ZCCHC2: variants seen among roughly 807,000 people sequenced by gnomAD.
ZCCHC2 encodes zinc finger CCHC domain-containing protein 2.
In ZCCHC2, 39 loss-of-function variants were observed where a neutral mutation model predicts 103.6. That is an observed-to-expected ratio of 0.38 (90% confidence interval 0.29 to 0.49). The LOEUF is 0.49. ZCCHC2 is among the 20% of genes least tolerant of loss of function. ZCCHC2 has a pLI of 0.96. For missense variants in ZCCHC2, 1,483 were observed against 1,491.0 expected, an observed-to-expected ratio of 0.99 and a Z score of 0.09; for synonymous variants, 687 against 608.9, an observed-to-expected ratio of 1.13 and a Z score of -1.89.
At chr18:62,529,251 C>T (rs536633979) in intron 1 of ZCCHC2, among the ~76,000 whole-genome samples, 6 of 151,926 alleles carry the variant, frequency 3.9e-5, no homozygotes, top group African/African-American at 1.2e-4. Flanking sequence ...TTTAACTGAC[C>T]CCTGCTGCTG....
Position 62,574,148 on chromosome 18 carries a change from A to G in ZCCHC2, c.2067A>G (p.Pro689=), listed in dbSNP as rs759828843. Reference sequence around the variant, plus strand: ...TCAACCAGACTGTCACTGTCAAGCCACCTGTTCAAATTGCTTCACTAGGAA... The same window carrying G: ...TCAACCAGACTGTCACTGTCAAGCCGCCTGTTCAAATTGCTTCACTAGGAA... ...GSVNQTVTVK[P]PVQIASLGNE... is the part of the protein sequence containing the mutation. The change falls in exon 13 of 14, where the codon CCA becomes CCG. Residue 689 remains proline (P), a synonymous_variant. Coordinates refer to ENST00000269499, the MANE Select transcript of ZCCHC2 (RefSeq NM_017742.6). 3.7e-6 allele frequency: 6 copies of G among 1,613,922 alleles called. No homozygotes were observed. Among genetic ancestry groups the G allele is most frequent in the Non-Finnish European group, 4.2e-6 (5 of 1,179,902 alleles).
intron 11 of ZCCHC2, among the ~76,000 whole-genome samples, chr18:62,568,138 C>G (rs1005465476): frequency 6.6e-6 from 1 of 151,868 alleles, no homozygotes; most frequent in Non-Finnish European, 1.5e-5. Flanking sequence ...GGTTCTGTTG[C>G]CTATGATTTA....
At chr18:62,525,685 C>T (rs1914352106) in intron 1 of ZCCHC2, among the ~76,000 whole-genome samples, 2 of 151,898 alleles carry the variant, frequency 1.3e-5, no homozygotes. Flanking sequence ...GTAACTAATT[C>T]ATGTTTTGGG....
At chr18:62,584,183 G>A (rs567761541) in intron 14 of ZCCHC2, among the ~76,000 whole-genome samples, 4 of 152,184 alleles carry the variant, frequency 2.6e-5, no homozygotes, top group Non-Finnish European at 4.4e-5. Context: ...GTGTGTGTAT[G>A]CAAATGTTTA....
At chr18:62,560,868 ATCT>A (rs2145519161) in intron 8 of ZCCHC2, among the ~76,000 whole-genome samples, 1 of 149,852 alleles carries the variant, frequency 6.7e-6, no homozygotes, top group Non-Finnish European at 1.5e-5. Flanking sequence ...TTCCCCTATC[ATCT>A]TTGATAGTTT....
Position 62,575,424 on chromosome 18 carries a change from A to G in ZCCHC2, c.3343A>G (p.Asn1115Asp), listed in dbSNP as rs1397347921. ...ATTCTATCCTGTATATCCAGCACCT[A>G]ACGTAGTTGCCAACACCAGTGGTTC... ...GRFYPVYPAPNVVANTSGSGP... is the reference protein window; with the variant it reads ...GRFYPVYPAPDVVANTSGSGP... The change falls in exon 13 of 14, where the codon AAC becomes GAC. Residue 1115 changes from asparagine to aspartate, a missense_variant. This residue lies in a region of ZCCHC2 where 884 missense variants were observed against 907.5 expected (regional missense o/e 0.97). Coordinates refer to ENST00000269499, the MANE Select transcript of ZCCHC2 (RefSeq NM_017742.6). The G allele has an allele frequency of 6.2e-7, 1 of 1,613,878 alleles. No homozygotes were observed. The highest frequency in any genetic ancestry group is 1.3e-5 in the African/African-American group (1 of 74,920).
Position 62,524,151 on chromosome 18 carries a change from G to A in ZCCHC2, c.727G>A (p.Val243Met), listed in dbSNP as rs1315879697. 2.6e-6 allele frequency: 4 copies of A among 1,545,300 alleles called. No homozygotes were observed. Among genetic ancestry groups the A allele is most frequent in the Non-Finnish European group, 3.5e-6 (4 of 1,145,958 alleles). Reference sequence around the variant, plus strand: ...CGGCTCAGGCCCGGAAGGCGGCATTGTGGAGCCCCGGGTCGGCGGCGGGCT... The same window carrying A: ...CGGCTCAGGCCCGGAAGGCGGCATTATGGAGCCCCGGGTCGGCGGCGGGCT... ...KDGSGPEGGIVEPRVGGGLGS... is the reference protein window; with the variant it reads ...KDGSGPEGGIMEPRVGGGLGS... Residue 243 changes from valine to methionine, a missense_variant, in exon 1 of 14, where the codon GTG (valine) becomes ATG (methionine). Coordinates refer to ENST00000269499, the MANE Select transcript of ZCCHC2 (RefSeq NM_017742.6).
At chr18:62,579,058 A>G (rs1916969546), downstream of ZCCHC2, among the ~76,000 whole-genome samples, 1 of 152,168 alleles carries the variant, frequency 6.6e-6, no homozygotes, top group Admixed American at 6.5e-5. Flanking sequence ...ATGAGCCTCC[A>G]TGCCCGGCCT....
intron 8 of ZCCHC2, among the ~76,000 whole-genome samples, chr18:62,561,452 A>G (rs1483937148): frequency 6.6e-6 from 1 of 152,198 alleles, no homozygotes; most frequent in Non-Finnish European, 1.5e-5. Context: ...GTGCTCCTCA[A>G]GTATGAGCCG....
chr18:62,572,311 ACT>A (rs1404876218), intron 12 of ZCCHC2, among the ~76,000 whole-genome samples: 2 of 152,112 alleles, frequency 1.3e-5, no homozygotes, highest in Non-Finnish European at 2.9e-5. Context: ...TAAGCAGGTG[ACT>A]CTGTGGCTCA....
At chr18:62,555,867 A>C (rs78239177) in intron 5 of ZCCHC2, among the ~76,000 whole-genome samples, 5,963 of 152,166 alleles carry the variant, frequency 0.039, 401 homozygotes, top group African/African-American at 0.14. Flanking sequence ...AGAGTAAAGA[A>C]ATTGCAGTTG....
chr18:62,553,867 T>C (rs1915771170), intron 5 of ZCCHC2, among the ~76,000 whole-genome samples: 1 of 152,228 alleles, frequency 6.6e-6, no homozygotes, highest in East Asian at 1.9e-4. Context: ...GAAGAGTTAC[T>C]TGTTAGATAA....
chr18:62,580,069 G>A (rs1917001902), downstream of ZCCHC2, among the ~76,000 whole-genome samples: 1 of 152,134 alleles, frequency 6.6e-6, no homozygotes, highest in Non-Finnish European at 1.5e-5. Context: ...CCCACACACT[G>A]CTCCTAAATA....
intron 11 of ZCCHC2, 50 bp downstream of exon 11, chr18:62,565,146 C>T (rs771806832): frequency 6.0e-6 from 8 of 1,329,994 alleles, no homozygotes; most frequent in Non-Finnish European, 8.6e-6. Context: ...ATATATTCAG[C>T]ATGATACTTA....
At chr18:62,542,305 G>A (rs2145497922) in intron 2 of ZCCHC2, among the ~76,000 whole-genome samples, 193 bp from the exon 3 acceptor site, 1 of 152,198 alleles carries the variant, frequency 6.6e-6, no homozygotes, top group African/African-American at 2.4e-5. Context: ...TTTTTCATGG[G>A]TGGATGGCAC....
At chr18:62,525,594 T>C (rs1413826516) in intron 1 of ZCCHC2, 1 of 152,210 alleles carries the variant, frequency 6.6e-6, no homozygotes, top group African/African-American at 2.4e-5. Context: ...TCAGTACCCG[T>C]GGAATCAATG....
At chr18:62,558,527 T>C (rs17070098) in intron 6 of ZCCHC2, 160 bp from the exon 7 acceptor site, 104,301 of 449,368 alleles carry the variant, frequency 0.23, 12,955 homozygotes, top group East Asian at 0.29. Flanking sequence ...ACTCACAGTC[T>C]AGTGCTTTGG....
intron 1 of ZCCHC2, among the ~76,000 whole-genome samples, chr18:62,536,608 G>A (rs187019520): frequency 1.3e-5 from 2 of 152,242 alleles, no homozygotes; most frequent in African/African-American, 2.4e-5. Context: ...CAGCATCGCC[G>A]AGCAGCCACC....
chr18:62,533,393 T>C (rs1401271669), intron 1 of ZCCHC2, among the ~76,000 whole-genome samples: 1 of 150,640 alleles, frequency 6.6e-6, no homozygotes, highest in African/African-American at 2.4e-5. Flanking sequence ...GGGCGTGTAG[T>C]GGGCGCCTGT....
Sources: allele counts gnomAD v4.1 joint callset (sites outside exome capture counted in the v4.1 genomes callset), GRCh38; gene constraint gnomAD v4.1.1; regional missense constraint gnomAD v4.1.1; transcripts MANE v1.5; gene names NCBI Gene and HGNC (gene_info 2026-07-23, HGNC 2026-07-21).